Variants in SLC12A1 observed in about 807,000 individuals in gnomAD.
SLC12A1 encodes solute carrier family 12 member 1.
SLC12A1 carries 89 observed loss-of-function variants against 130.4 expected under a neutral mutation model. The observed-to-expected ratio is 0.68, with a 90% CI of 0.58 to 0.81. SLC12A1 has a LOEUF of 0.81. Ranked by LOEUF, SLC12A1 falls within the 40% of genes least tolerant of loss-of-function variation. The pLI is 0.00. For missense variants in SLC12A1, 1,310 were observed against 1,336.4 expected, an observed-to-expected ratio of 0.98 and a Z score of 0.31; for synonymous variants, 499 against 460.0, an observed-to-expected ratio of 1.08 and a Z score of -1.09.
chr15:48,267,998 G>A (rs542475604), intron 18 of SLC12A1, among the ~76,000 whole-genome samples: 1 of 152,264 alleles, frequency 6.6e-6, no homozygotes, highest in Non-Finnish European at 1.5e-5. Flanking sequence ...GGTGGTTGAC[G>A]ACATTCAGGA....
At chr15:48,272,625 A>T (rs1447085154) in intron 19 of SLC12A1, among the ~76,000 whole-genome samples, 4 of 152,018 alleles carry the variant, frequency 2.6e-5, no homozygotes, top group Non-Finnish European at 4.4e-5. Flanking sequence ...ATGGGGTTTC[A>T]CCATGTTGGC....
At chr15:48,222,994 A>T (rs2041234717) in intron 4 of SLC12A1, 1 of 152,172 alleles carries the variant, frequency 6.6e-6, no homozygotes, top group South Asian at 2.1e-4. Context: ...TATCTTGGAG[A>T]CCTTGCTGGG....
chr15:48,295,091 T>G (rs1383902174), intron 24 of SLC12A1, among the ~76,000 whole-genome samples: 20 of 149,850 alleles, frequency 1.3e-4, no homozygotes, highest in Non-Finnish European at 3.0e-4. Flanking sequence ...TTTTTTTTTT[T>G]GTAAAGAAAA....
At chr15:48,235,981 G>A (rs983949600) in intron 9 of SLC12A1, among the ~76,000 whole-genome samples, 5 of 152,072 alleles carry the variant, frequency 3.3e-5, no homozygotes, top group East Asian at 1.9e-4. Context: ...AAAGGAGGGC[G>A]GGAAATGTAG....
At chr15:48,292,281 T>G (rs966053206) in intron 24 of SLC12A1, among the ~76,000 whole-genome samples, 23 of 152,176 alleles carry the variant, frequency 1.5e-4, no homozygotes, top group Admixed American at 1.2e-3. Flanking sequence ...TGTATCTTCT[T>G]GGCACACTGA....
chr15:48,233,089 T>C (rs1190828037), intron 8 of SLC12A1, among the ~76,000 whole-genome samples: 2 of 152,110 alleles, frequency 1.3e-5, no homozygotes, highest in Non-Finnish European at 1.5e-5. Context: ...AACCAGAAAA[T>C]ATATGAGTTT....
At chr15:48,256,321 A>T (rs2041706466) in intron 16 of SLC12A1, among the ~76,000 whole-genome samples, 1 of 152,246 alleles carries the variant, frequency 6.6e-6, no homozygotes, top group Non-Finnish European at 1.5e-5. Context: ...TATTTTGAAT[A>T]AAACCTCAAG....
intron 11 of SLC12A1, 42 bp downstream of exon 11, chr15:48,244,946 A>G (rs2041560835): frequency 6.3e-7 from 1 of 1,577,386 alleles, no homozygotes; most frequent in Non-Finnish European, 8.7e-7. Context: ...TATTATTTTC[A>G]TTTTTTGAAT....
At chr15:48,221,337 A>G in intron 4 of SLC12A1, 1 of 701,932 alleles carries the variant, frequency 1.4e-6, no homozygotes, top group Non-Finnish European at 2.6e-6. Flanking sequence ...CATTTGTTAC[A>G]GAGTATCCTT....
At chr15:48,233,528 T>C (rs1354653462) in intron 8 of SLC12A1, among the ~76,000 whole-genome samples, 2 of 152,240 alleles carry the variant, frequency 1.3e-5, no homozygotes, top group African/African-American at 2.4e-5. Context: ...AGTTACTCAG[T>C]GTAGCATCCT....
At chr15:48,251,987 A>C (rs1888589617) in intron 15 of SLC12A1, among the ~76,000 whole-genome samples, 1 of 152,020 alleles carries the variant, frequency 6.6e-6, no homozygotes, top group Non-Finnish European at 1.5e-5. Context: ...GGCAGATCAC[A>C]AGGTCAGGAG....
chr15:48,289,423 ATATATAAT>A (rs1260842692), intron 23 of SLC12A1, among the ~76,000 whole-genome samples: 27 of 105,552 alleles, frequency 2.6e-4, no homozygotes, highest in Admixed American at 1.0e-3. Flanking sequence ...ATATATATAT[ATATATAAT>A]GTATAACTAT....
chr15:48,247,358 T>C lies in SLC12A1; in HGVS notation c.1582T>C (p.Tyr528His), dbSNP rs929741876. ...VFQALCKDNIYKALQFFAKGY... is the reference protein window; with the variant it reads ...VFQALCKDNIHKALQFFAKGY... ...TTAGGCTCTGTGCAAGGACAACATC[T>C]ACAAAGCCCTGCAGTTTTTTGCAAA... The change falls in exon 13 of 27, where the codon TAC becomes CAC. Residue 528 changes from tyrosine to histidine, a missense_variant. Tyr to His is a moderately conservative substitution (Grantham distance 83). Transcript: ENST00000380993. 2 of 1,613,346 alleles carry C rather than the reference T, an allele frequency of 1.2e-6. No homozygotes were observed. The highest frequency in any genetic ancestry group is 2.7e-5 in the African/African-American group (2 of 74,976).
chr15:48,242,961 C>T (rs548049963), intron 10 of SLC12A1, among the ~76,000 whole-genome samples: 3 of 151,792 alleles, frequency 2.0e-5, no homozygotes, highest in African/African-American at 7.2e-5. Context: ...TTTCTTTTTT[C>T]TACAGTTAAA....
chr15:48,299,737 G>A lies in SLC12A1; in HGVS notation c.3096+462G>A, dbSNP rs1231346385. On this transcript the variant is annotated intron_variant, in intron 25 of 26. Coordinates refer to ENST00000380993, the MANE Select transcript of SLC12A1 (RefSeq NM_000338.3). ...TGTGACTGGAACAATGAATATGGAA[G>A]CTGGATCCAGCACACATTGTAAGAT... Among the ~76,000 whole-genome samples, 4 of 152,310 alleles carry A rather than the reference G, an allele frequency of 2.6e-5. No homozygotes were observed. The East Asian group carries it at 5.8e-4, about 22-fold the overall frequency.
At chr15:48,221,288 A>G in intron 4 of SLC12A1, 1 of 700,048 alleles carries the variant, frequency 1.4e-6, no homozygotes, top group Non-Finnish European at 2.6e-6. Context: ...ATTTTAGATA[A>G]TAATATTTGT....
intron 5 of SLC12A1, chr15:48,228,949 C>A: frequency 5.7e-6 from 2 of 351,944 alleles, no homozygotes; most frequent in Admixed American, 4.5e-5. Context: ...AGCTTTTTTA[C>A]ATTTATGTTT....
Position 48,259,263 on chromosome 15 carries a change from C to G in SLC12A1, c.2106C>G (p.His702Gln), listed in dbSNP as rs761397379. ...GACCTGCTCTCCTGGACATAACTCA[C>G]GCCTTTACCAAGAACAGTGGCCTTT... ...MTRPALLDIT[H>Q]AFTKNSGLCI... The change falls in exon 17 of 27, where the codon CAC (histidine) becomes CAG (glutamine). Residue 702 changes from histidine to glutamine, a missense_variant. His to Gln is a conservative substitution (Grantham distance 24). Transcript: ENST00000380993. The G allele has an allele frequency of 6.2e-7, 1 of 1,613,846 alleles. No homozygotes were observed. The highest frequency in any genetic ancestry group is 1.3e-5 in the African/African-American group (1 of 75,024).
Position 48,207,834 on chromosome 15 carries a change from A to C in SLC12A1, c.115A>C (p.Asn39His), listed in dbSNP as rs1488930297. 1.9e-6 allele frequency: 3 copies of C among 1,614,030 alleles called. No homozygotes were observed. The highest frequency in any genetic ancestry group is 1.7e-6 in the Non-Finnish European group (2 of 1,179,884). ...TGAGAGCAGTGCAGCTGCAGATGACAATACTGACCCACCACATTATGAAGA... is the reference window on the plus strand; with the variant it reads ...TGAGAGCAGTGCAGCTGCAGATGACCATACTGACCCACCACATTATGAAGA... Reference protein sequence around the residue: ...NHESSAAADDNTDPPHYEETS... With the variant: ...NHESSAAADDHTDPPHYEETS... Residue 39 changes from asparagine (N) to histidine (H), a missense_variant, in exon 2 of 27, where the codon AAT becomes CAT. Transcript: ENST00000380993.
Sources: allele counts gnomAD v4.1 joint callset (sites outside exome capture counted in the v4.1 genomes callset), GRCh38; gene constraint gnomAD v4.1.1; transcripts MANE v1.5; gene names NCBI Gene and HGNC (gene_info 2026-07-23, HGNC 2026-07-21).